The following ALG8 variants were observed in gnomAD, a reference collection of about 807,000 sequenced individuals.
The protein encoded by ALG8 is ALG8 alpha-1,3-glucosyltransferase.
In ALG8, 48 loss-of-function variants were observed where a neutral mutation model predicts 70.2. That is an observed-to-expected ratio of 0.68 (90% confidence interval 0.54 to 0.87). ALG8 has a LOEUF of 0.87. Among genes scored for constraint, ALG8 ranks in the 40% least tolerant of loss-of-function variants. The probability of loss-of-function intolerance (pLI) is 0.00; values close to 1 mark genes in which losing one functional copy is unlikely to be tolerated. For synonymous variants in ALG8, 234 were observed against 229.0 expected (o/e 1.02, Z -0.20); for missense variants, 572 against 608.7 (o/e 0.94, Z 0.64).
intron 2 of ALG8, among the ~76,000 whole-genome samples, chr11:78,125,978 T>C (rs1448481996): frequency 1.3e-5 from 2 of 150,982 alleles, no homozygotes; most frequent in East Asian, 4.0e-4. Flanking sequence ...GCTAATATGG[T>C]GAAACCCCGT....
chr11:78,126,532 CAA>C (rs61070879), intron 2 of ALG8, among the ~76,000 whole-genome samples: 9 of 126,824 alleles, frequency 7.1e-5, no homozygotes, highest in East Asian at 2.2e-4. Flanking sequence ...GACTCTGTCT[CAA>C]AAAAAAAAAA....
At chr11:78,116,662 G>A (rs369898626) in intron 5 of ALG8, among the ~76,000 whole-genome samples, 3 of 152,064 alleles carry the variant, frequency 2.0e-5, no homozygotes, top group African/African-American at 7.2e-5. Flanking sequence ...AGGTTACAGT[G>A]TGCTGTGACT....
chr11:78,109,354 G>C, intron 9 of ALG8, 88 bp downstream of exon 9: 1 of 1,549,950 alleles, frequency 6.5e-7, no homozygotes. Flanking sequence ...CCTACAGTTG[G>C]AAGAGCTTGA....
At position 78,104,428 on chromosome 11, in the gene ALG8, CT is replaced by C; in HGVS notation, c.1203del (p.Asp402ThrfsTer6). The C allele has an allele frequency of 6.3e-7, 1 of 1,593,922 alleles. No individual in the cohort carries two copies. The highest frequency in any genetic ancestry group is 8.5e-7 in the Non-Finnish European group (1 of 1,169,796). ...GTCAGAATCAGAAAAATCGAAGCGT[CT>C]CCTGCTTTTCCCACAGACAAAAGGC... ...PMSLLSVGKA[G>X]DASIFLILTT... is the part of the protein sequence containing the mutation. On this transcript the variant is annotated frameshift_variant, in exon 11 of 13. Coordinates refer to ENST00000299626, the MANE Select transcript of ALG8 (RefSeq NM_024079.5). LOFTEE classifies it high-confidence loss of function.
chr11:78,114,410 G>A lies in ALG8; in HGVS notation c.547-18C>T, dbSNP rs755466461. The A allele has an allele frequency of 6.2e-7, 1 of 1,613,096 alleles. No individual in the cohort carries two copies. Among genetic ancestry groups the A allele is most frequent in the Non-Finnish European group, 8.5e-7 (1 of 1,179,592 alleles). Reference sequence around the variant, plus strand: ...TGCCTTTTCTAGGAGATTTAAAAGGGAAATATCACTTTAAAATTCAGGGTA... The same window carrying A: ...TGCCTTTTCTAGGAGATTTAAAAGGAAAATATCACTTTAAAATTCAGGGTA... On this transcript the variant is annotated intron_variant, in intron 5 of 12. Transcript: ENST00000299626.
Position 78,106,847 on chromosome 11 carries a change from C to T in ALG8, c.1138G>A (p.Val380Ile), listed in dbSNP as rs780419546. 5 of 1,614,106 alleles carry T rather than the reference C, an allele frequency of 3.1e-6. No individual in the cohort carries two copies. Among genetic ancestry groups the T allele is most frequent in the Non-Finnish European group, 3.4e-6 (4 of 1,180,014 alleles). The change falls in exon 10 of 13, where the codon GTT becomes ATT. Residue 380 changes from valine (V) to isoleucine (I), a missense_variant. Val to Ile is a conservative substitution (Grantham distance 29, BLOSUM62 3). Coordinates refer to ENST00000299626, the MANE Select transcript of ALG8 (RefSeq NM_024079.5). ...GCTAGAAGTATGGCTTTTTCATGAA[C>T]ATGCCACCCAAACATAAAGGAGCTC... ...ALSSFMFGWH[V>I]HEKAILLAIL...
intron 2 of ALG8, among the ~76,000 whole-genome samples, chr11:78,125,611 C>CA (rs113215261): frequency 0.094 from 10,956 of 117,018 alleles, 1,401 homozygotes; most frequent in African/African-American, 0.3. Context: ...ACTAAAAATA[C>CA]AAAAAAAAAA....
At chr11:78,119,783 C>A (rs1018294826) in intron 4 of ALG8, among the ~76,000 whole-genome samples, 2 of 152,128 alleles carry the variant, frequency 1.3e-5, no homozygotes, top group African/African-American at 4.8e-5. Context: ...TTTGCTGAAG[C>A]AAACACCATA....
At chr11:78,125,002 G>A (rs1481030911) in intron 2 of ALG8, among the ~76,000 whole-genome samples, 2 of 149,638 alleles carry the variant, frequency 1.3e-5, no homozygotes, top group Non-Finnish European at 3.0e-5. Flanking sequence ...CTTTAGAATA[G>A]TATATTTTGT....
In ALG8 at chr11:78,118,283, G is replaced by A. The variant is rs563696193; in HGVS notation, c.546+899C>T. ...TATTATATTGTAAAGACTGCTGCTAGAGACTTCATTTGTACATAAATTATC... is the reference window on the plus strand; with the variant it reads ...TATTATATTGTAAAGACTGCTGCTAAAGACTTCATTTGTACATAAATTATC... On this transcript the variant is annotated intron_variant, in intron 5 of 12. Coordinates refer to ENST00000299626, the MANE Select transcript of ALG8 (RefSeq NM_024079.5). Among the ~76,000 whole-genome samples the A allele has an allele frequency of 6.4e-4, 98 of 152,204 alleles. 2 individuals are homozygous for A. In the South Asian group the frequency reaches 0.019, roughly 30 times the overall value.
chr11:78,114,147 C>T (rs932618101), intron 6 of ALG8, 119 bp downstream of exon 6: 1 of 1,455,116 alleles, frequency 6.9e-7, no homozygotes, highest in Non-Finnish European at 9.5e-7. Context: ...AAAGGGCTTA[C>T]AGGATTAGCA....
At position 78,124,181 on chromosome 11, in the gene ALG8, AAG is replaced by A. The variant is rs768848795; in HGVS notation, c.206_207del (p.Pro69LeufsTer6). On this transcript the variant is annotated frameshift_variant, in exon 3 of 13. Coordinates refer to ENST00000299626, the MANE Select transcript of ALG8 (RefSeq NM_024079.5). LOFTEE classifies it high-confidence loss of function. ...AGGATATACTCAAACCATGCAAAGA[AAG>A]GGGGGTAATCCAACGTCCACTCTGA... is the stretch of plus-strand genomic sequence containing the variant. Reference protein sequence around the residue: ...ATSEWTLDYPPFFAWFEYILS... With the variant: ...ATSEWTLDYPXFFAWFEYILS... 1.9e-6 allele frequency: 3 copies of A among 1,614,216 alleles called. No individual in the cohort carries two copies. The highest frequency in any genetic ancestry group is 2.5e-6 in the Non-Finnish European group (3 of 1,180,042).
chr11:78,105,840 C>T (rs557728916), intron 10 of ALG8, among the ~76,000 whole-genome samples: 5 of 152,036 alleles, frequency 3.3e-5, no homozygotes, highest in African/African-American at 1.2e-4. Context: ...TCCCAAGTAG[C>T]TGGGATTACA....
intron 10 of ALG8, 75 bp from the exon 11 acceptor site, chr11:78,104,528 T>C (rs1859934974): frequency 1.3e-5 from 17 of 1,337,366 alleles, no homozygotes; most frequent in Non-Finnish European, 1.7e-5. Context: ...CTGCATCTCC[T>C]ATTACATTAG....
chr11:78,120,115 G>A (rs1211290741), intron 4 of ALG8, among the ~76,000 whole-genome samples: 2 of 151,302 alleles, frequency 1.3e-5, no homozygotes, highest in Non-Finnish European at 2.9e-5. Context: ...AAAAAAAAAA[G>A]AAAAGGAAAG....
intron 5 of ALG8, among the ~76,000 whole-genome samples, chr11:78,116,794 T>C (rs976584886): frequency 1.3e-5 from 2 of 152,140 alleles, no homozygotes; most frequent in African/African-American, 4.8e-5. Context: ...ACAGTCCTGA[T>C]GTTCTGCAGG....
At chr11:78,132,037 AC>A (rs757999264) in intron 1 of ALG8, among the ~76,000 whole-genome samples, 2 of 151,840 alleles carry the variant, frequency 1.3e-5, no homozygotes, top group Non-Finnish European at 2.9e-5. Flanking sequence ...CCATCCTCCC[AC>A]CTGTCTTTGT....
intron 7 of ALG8, 116 bp from the exon 8 acceptor site, chr11:78,112,886 TAGTA>T (rs1211409678): frequency 9.9e-6 from 13 of 1,307,938 alleles, no homozygotes; most frequent in African/African-American, 1.5e-5. Flanking sequence ...GTCTGGGTTC[TAGTA>T]AGTAAGTGGT....
intron 8 of ALG8, chr11:78,112,300 TAGGA>T: frequency 3.0e-6 from 1 of 333,638 alleles, no homozygotes; most frequent in South Asian, 2.6e-5. Context: ...GGGGTTTGAA[TAGGA>T]ATGGTGAGAA....
Sources: gnomAD v4.1 joint callset for allele counts (sites outside exome capture counted in the v4.1 genomes callset) on GRCh38, gnomAD v4.1.1 for gene constraint, MANE v1.5 for transcripts, NCBI Gene and HGNC (gene_info 2026-07-23, HGNC 2026-07-21) for gene names.